The following CALN1 variants were observed in gnomAD, a reference collection of about 807,000 sequenced individuals.
The protein encoded by CALN1 is calcium-binding protein 8.
In CALN1, 17 loss-of-function variants were observed where a neutral mutation model predicts 30.6. That is an observed-to-expected ratio of 0.56 (90% CI 0.38 to 0.83). The LOEUF is 0.83. Among genes scored for constraint, CALN1 ranks in the 40% least tolerant of loss-of-function variants. The pLI, the probability that CALN1 is intolerant of heterozygous loss-of-function variation, is 0.00. For synonymous variants in CALN1, 156 were observed against 131.4 expected, an observed-to-expected ratio of 1.19 and a Z score of -1.28; for missense variants, 291 against 354.9, an observed-to-expected ratio of 0.82 and a Z score of 1.45.
chr7:72,349,891 T>C (rs1029453544), intron 2 of CALN1, among the ~76,000 whole-genome samples: 1 of 152,214 alleles, frequency 6.6e-6, no homozygotes, highest in Non-Finnish European at 1.5e-5. Flanking sequence ...GTTGGTTGTC[T>C]GTTTACTTTG....
At chr7:72,077,948 C>A (rs887132469) in intron 4 of CALN1, among the ~76,000 whole-genome samples, 1 of 152,178 alleles carries the variant, frequency 6.6e-6, no homozygotes, top group Non-Finnish European at 1.5e-5. Context: ...ACCTGTCAAA[C>A]GCTGAGAGAG....
At position 71,810,541 on chromosome 7, in the gene CALN1, A is replaced by C. The variant is rs779382423; in HGVS notation, c.502-49T>G. 6.3e-6 allele frequency: 10 copies of C among 1,588,540 alleles called. No individual in the cohort carries two copies. In the African/African-American group the frequency reaches 1.3e-4, roughly 21 times the overall value. ...ATGGTCAGAAGCATGTGGAGATGGG[A>C]AGTTGGCTCGGGCCATGACAGGCCA... On this transcript the variant is annotated intron_variant, in intron 5 of 6. Transcript: ENST00000395275.
intron 3 of CALN1, among the ~76,000 whole-genome samples, chr7:72,224,255 C>A (rs1278693723): frequency 6.6e-6 from 1 of 152,036 alleles, no homozygotes; most frequent in African/African-American, 2.4e-5. Flanking sequence ...ATGACTTTTT[C>A]ATTCACTAGA....
intron 4 of CALN1, among the ~76,000 whole-genome samples, chr7:72,027,270 C>T (rs1801124473): frequency 6.6e-6 from 1 of 152,052 alleles, no homozygotes; most frequent in African/African-American, 2.4e-5. Flanking sequence ...TAGGAGACGC[C>T]CCAAGTACTG....
chr7:72,281,658 AG>A, intron 2 of CALN1, among the ~76,000 whole-genome samples: 1 of 152,226 alleles, frequency 6.6e-6, no homozygotes, highest in East Asian at 1.9e-4. Context: ...TCCTGGAACA[AG>A]ACCCACTAAG....
intron 3 of CALN1, among the ~76,000 whole-genome samples, chr7:72,199,146 G>A (rs997219212): frequency 6.6e-6 from 1 of 152,028 alleles, no homozygotes; most frequent in Non-Finnish European, 1.5e-5. Context: ...GTGGTGGTGG[G>A]CGCCTGTAAT....
chr7:72,202,113 G>C (rs895997822), intron 3 of CALN1, among the ~76,000 whole-genome samples: 1 of 152,058 alleles, frequency 6.6e-6, no homozygotes, highest in African/African-American at 2.4e-5. Context: ...AAATGAAATG[G>C]AAGGAGATAA....
chr7:72,244,675 T>A (rs1203032859), intron 3 of CALN1, among the ~76,000 whole-genome samples: 1 of 150,686 alleles, frequency 6.6e-6, no homozygotes, highest in Admixed American at 6.6e-5. Flanking sequence ...GGGGGTTGAG[T>A]AGGAACTCAG....
At chr7:71,959,900 G>A (rs1015540578) in intron 5 of CALN1, among the ~76,000 whole-genome samples, 2 of 151,994 alleles carry the variant, frequency 1.3e-5, no homozygotes, top group African/African-American at 2.4e-5. Context: ...TTGGGAGGCC[G>A]AGGCGGGCAG....
At chr7:72,226,725 A>G (rs928453132) in intron 3 of CALN1, among the ~76,000 whole-genome samples, 2 of 152,172 alleles carry the variant, frequency 1.3e-5, no homozygotes, top group African/African-American at 4.8e-5. Context: ...AGATGGGAGC[A>G]TTGGGTTCAC....
chr7:72,152,517 G>C (rs1472749534), intron 3 of CALN1, among the ~76,000 whole-genome samples: 1 of 152,154 alleles, frequency 6.6e-6, no homozygotes, highest in Non-Finnish European at 1.5e-5. Flanking sequence ...TGACCAGTTT[G>C]ATACAACCTA....
rs1216868295 is a variant in CALN1, at chr7:71,786,585, C to T, written c.*1190G>A. 2.4e-4 allele frequency: 36 copies of T among 152,190 alleles called. No homozygotes were observed. Among genetic ancestry groups the T allele is most frequent in the Admixed American group, 2.4e-3 (36 of 15,276 alleles). 9.4% of individuals were successfully genotyped at this position (152,190 alleles called of 1,614,324 possible). On this transcript the variant is annotated 3_prime_UTR_variant, in exon 7 of 7. Transcript: ENST00000395275. ...TTCCCCCAACCTCCTGAAAATGAGT[C>T]AGTTGCAGAATCTGAAGGCCAGAAG...
At chr7:71,868,344 A>G (rs1031638175) in intron 5 of CALN1, among the ~76,000 whole-genome samples, 1 of 151,052 alleles carries the variant, frequency 6.6e-6, no homozygotes, top group Non-Finnish European at 1.5e-5. Context: ...TGGCAGGAAC[A>G]GCGAGAGGGG....
intron 5 of CALN1, among the ~76,000 whole-genome samples, chr7:71,879,855 G>A (rs761396685): frequency 1.3e-5 from 2 of 152,178 alleles, no homozygotes; most frequent in African/African-American, 2.4e-5. Context: ...CCACTGTGGT[G>A]AGGGAGATTG....
chr7:72,205,551 A>AAATATATACATATATATATATATATATAT lies in CALN1; in HGVS notation c.244+73134_244+73135insATATATATATATATATATATGTATATATT. ...ATTTTTCTCCTGATTGCAAAAAAAA[A>AAATATATACATATATATATATATATATAT]ATATATATATATATATGTATATATA... is the stretch of plus-strand genomic sequence containing the variant. On this transcript the variant is annotated intron_variant, in intron 3 of 6. Transcript: ENST00000395275. Among the ~76,000 whole-genome samples the AAATATATACATATATATATATATATATAT allele has an allele frequency of 9.0e-3, 744 of 82,738 alleles. 116 individuals are homozygous for AAATATATACATATATATATATATATATAT. Among genetic ancestry groups the AAATATATACATATATATATATATATATAT allele is most frequent in the East Asian group, 0.049 (56 of 1,138 alleles). 54.3% of individuals were successfully genotyped at this position (82,738 alleles called of 152,430 possible).
intron 4 of CALN1, among the ~76,000 whole-genome samples, chr7:72,032,293 G>T (rs897066241): frequency 6.7e-6 from 1 of 150,120 alleles, no homozygotes; most frequent in Non-Finnish European, 1.5e-5. Flanking sequence ...TGATCCGCCC[G>T]CCTTGGCCTC....
chr7:72,241,459 C>A (rs1037182356), intron 3 of CALN1, among the ~76,000 whole-genome samples: 3 of 152,156 alleles, frequency 2.0e-5, no homozygotes, highest in Non-Finnish European at 2.9e-5. Context: ...GTAATCCCAG[C>A]ACTTTTGGAG....
chr7:72,144,014 CA>C (rs1416683327), intron 3 of CALN1, among the ~76,000 whole-genome samples: 1 of 152,182 alleles, frequency 6.6e-6, no homozygotes, highest in Non-Finnish European at 1.5e-5. Context: ...CTAGCCACTG[CA>C]AAAACATGCC....
chr7:72,045,970 G>C (rs1340033850), intron 4 of CALN1, among the ~76,000 whole-genome samples: 1 of 137,980 alleles, frequency 7.2e-6, no homozygotes, highest in Non-Finnish European at 1.5e-5. Flanking sequence ...TTGCACTCCA[G>C]CCTGGGCAAC....
Sources: allele counts gnomAD v4.1 joint callset (sites outside exome capture counted in the v4.1 genomes callset), GRCh38; gene constraint gnomAD v4.1.1; transcripts MANE v1.5; gene names NCBI Gene and HGNC (gene_info 2026-07-23, HGNC 2026-07-21).